The following UGGT1 variants were observed in gnomAD, a reference collection of about 807,000 sequenced individuals.
UGGT1 encodes UDP-glucose:glycoprotein glucosyltransferase 1.
Under a neutral mutation model 203.9 loss-of-function variants are expected in UGGT1, and 107 were observed. The ratio of observed to expected loss-of-function variants is 0.52; its 90% CI spans 0.45 to 0.62. The LOEUF (loss-of-function observed/expected upper bound fraction) is 0.62, where lower values mean the gene tolerates loss of function less well. Among genes scored for constraint, UGGT1 ranks in the 20% least tolerant of loss-of-function variants. The pLI, the probability that UGGT1 is intolerant of heterozygous loss-of-function variation, is 0.00. For missense variants in UGGT1, 1,673 were observed against 1,867.2 expected (o/e 0.90, Z 1.92); for synonymous variants, 628 against 653.5 (o/e 0.96, Z 0.59).
At chr2:128,091,897 C>T (rs1221710986) in intron 1 of UGGT1, among the ~76,000 whole-genome samples, 1 of 152,174 alleles carries the variant, frequency 6.6e-6, no homozygotes, top group Admixed American at 6.5e-5. Flanking sequence ...GATATGGTTT[C>T]ACTTTTAGCG....
At chr2:128,135,067 C>G in intron 15 of UGGT1, 106 bp downstream of exon 15, 1 of 931,388 alleles carries the variant, frequency 1.1e-6, no homozygotes, top group African/African-American at 1.6e-5. Context: ...ATTAATAGTG[C>G]ACATCACTAA....
chr2:128,102,526 A>G (rs567206467), intron 2 of UGGT1, among the ~76,000 whole-genome samples: 14 of 152,310 alleles, frequency 9.2e-5, no homozygotes, highest in African/African-American at 3.4e-4. Context: ...TATGCTGTAA[A>G]AAAAGGCAGC....
chr2:128,115,588 A>G (rs1379508837), intron 7 of UGGT1, among the ~76,000 whole-genome samples: 3 of 151,906 alleles, frequency 2.0e-5, no homozygotes, highest in African/African-American at 7.2e-5. Flanking sequence ...TTGATGTTAT[A>G]GGGGATTTAC....
At chr2:128,095,427 CTCCTCCTTCTCT>C (rs1234240662) in intron 1 of UGGT1, among the ~76,000 whole-genome samples, 1 of 21,510 alleles carries the variant, frequency 4.6e-5, no homozygotes, top group African/African-American at 7.1e-5. Context: ...TCCCCTTCCC[CTCCTCCTTCTCT>C]TCCTCCTTCT....
chr2:128,107,889 A>C, intron 3 of UGGT1, 49 bp from the exon 4 acceptor site: 1 of 1,610,270 alleles, frequency 6.2e-7, no homozygotes, highest in Admixed American at 1.7e-5. Flanking sequence ...TCTTCTTTAG[A>C]TATCTCTAGT....
At chr2:128,175,435 C>G (rs1470386593) in intron 31 of UGGT1, among the ~76,000 whole-genome samples, 1 of 152,036 alleles carries the variant, frequency 6.6e-6, no homozygotes, top group Non-Finnish European at 1.5e-5. Context: ...TTCTGCTTAA[C>G]ACAATTTAAA....
At chr2:128,178,429 G>T (rs769066630) in intron 33 of UGGT1, 39 bp from the exon 34 acceptor site, 1 of 1,533,742 alleles carries the variant, frequency 6.5e-7, no homozygotes, top group Non-Finnish European at 8.9e-7. Context: ...GTCTGTATGA[G>T]TGTTTCAAGT....
chr2:128,142,747 C>T (rs576969455), intron 16 of UGGT1, among the ~76,000 whole-genome samples: 77 of 152,056 alleles, frequency 5.1e-4, no homozygotes, highest in Admixed American at 1.5e-3. Context: ...CTTTGGGAGA[C>T]TGAGGCGGGT....
intron 4 of UGGT1, 59 bp downstream of exon 4, chr2:128,108,127 G>A: frequency 6.4e-7 from 1 of 1,565,782 alleles, no homozygotes. Context: ...TGAATGGATG[G>A]ACCCCAGTTG....
intron 13 of UGGT1, among the ~76,000 whole-genome samples, chr2:128,129,589 G>A (rs527555920): frequency 4.6e-5 from 7 of 151,744 alleles, no homozygotes; most frequent in African/African-American, 1.7e-4. Flanking sequence ...AGTATAGACG[G>A]GGTTTCACAA....
intron 1 of UGGT1, 97 bp from the exon 2 acceptor site, chr2:128,097,332 A>C: frequency 7.1e-7 from 1 of 1,399,640 alleles, no homozygotes; most frequent in African/African-American, 1.4e-5. Context: ...CCGAGATTGC[A>C]CCACTGCACT....
rs1034126829 is a variant in UGGT1, at chr2:128,159,632, C to T, written c.2474C>T (p.Ala825Val). The change falls in exon 23 of 41, where the codon GCT becomes GTT. Residue 825 changes from alanine (A) to valine (V), a missense_variant. Physicochemically the swap from Ala to Val is moderately conservative, Grantham distance 64 (BLOSUM62 0). Transcript: ENST00000259253. ...GCTCTCCAAACTCAGACTTCCAACG[C>T]TGCTAAGAACTTCATCACCAAAATG... is the stretch of plus-strand genomic sequence containing the variant. Reference protein sequence around the residue: ...WAALQTQTSNAAKNFITKMAK... With the variant: ...WAALQTQTSNVAKNFITKMAK... 4 of 1,614,190 alleles carry T rather than the reference C, an allele frequency of 2.5e-6. No individual in the cohort carries two copies. The highest frequency in any genetic ancestry group is 3.4e-6 in the Non-Finnish European group (4 of 1,180,024).
chr2:128,133,375 CT>C (rs1558779870), intron 14 of UGGT1, 115 bp downstream of exon 14: 12 of 1,365,690 alleles, frequency 8.8e-6, no homozygotes, highest in Non-Finnish European at 1.1e-5. Context: ...CTCCCCCACC[CT>C]TCACCAAATA....
chr2:128,113,125 C>T lies in UGGT1; in HGVS notation c.563C>T (p.Ser188Leu), dbSNP rs763494768. 19 of 1,609,298 alleles carry T rather than the reference C, an allele frequency of 1.2e-5. No individual in the cohort carries two copies. Among genetic ancestry groups the T allele is most frequent in the African/African-American group, 5.3e-5 (4 of 74,768 alleles). The change falls in exon 6 of 41, where the codon TCG becomes TTG. Residue 188 changes from serine (S) to leucine (L), a missense_variant. Physicochemically the swap from Ser to Leu is moderately radical, Grantham distance 145. Coordinates refer to ENST00000259253, the MANE Select transcript of UGGT1 (RefSeq NM_020120.4). ...LLFKGDHRYPSSNPESPVVIF... is the reference protein window; with the variant it reads ...LLFKGDHRYPLSNPESPVVIF... ...TTCAAAGGAGATCACAGATATCCCT[C>T]GTCTAATCCTGAAAGCCCTGTGGTG...
chr2:128,123,153 A>T, intron 10 of UGGT1, 33 bp from the exon 11 acceptor site: 10 of 1,549,740 alleles, frequency 6.5e-6, no homozygotes, highest in Non-Finnish European at 8.8e-6. Context: ...TCAAATATTA[A>T]GCCAAGCACT....
At chr2:128,163,149 C>G (rs1464086351) in intron 25 of UGGT1, among the ~76,000 whole-genome samples, 2 of 152,078 alleles carry the variant, frequency 1.3e-5, no homozygotes, top group African/African-American at 4.8e-5. Context: ...AACCAAGTGC[C>G]CCTTGACATG....
chr2:128,101,904 C>CGAAT (rs879323220), intron 2 of UGGT1, among the ~76,000 whole-genome samples: 1 of 152,094 alleles, frequency 6.6e-6, no homozygotes, highest in Admixed American at 6.6e-5. Context: ...ATCTTGTGGG[C>CGAAT]ATTCATTCTG....
Position 128,109,533 on chromosome 2 carries a change from T to C in UGGT1, c.409-101T>C, listed in dbSNP as rs949107834. ...TACCACACTCAGCCAGTTTCAACAA[T>C]GTTGTTTTGTCATAATTTAATCACC... is the stretch of plus-strand genomic sequence containing the variant. On this transcript the variant is annotated intron_variant, in intron 4 of 40. Transcript: ENST00000259253. The C allele has an allele frequency of 4.9e-5, 48 of 969,950 alleles. 1 individual carries two copies. The Admixed American group carries it at 6.6e-4, about 13-fold the overall frequency. 60.1% of individuals were successfully genotyped at this position (969,950 alleles called of 1,614,324 possible).
intron 9 of UGGT1, 135 bp from the exon 10 acceptor site, chr2:128,121,064 G>T: frequency 2.6e-6 from 2 of 774,978 alleles, no homozygotes; most frequent in Non-Finnish European, 2.1e-6. Flanking sequence ...TAAATCATGG[G>T]CACTCTCTGG....
Sources: allele counts gnomAD v4.1 joint callset (sites outside exome capture counted in the v4.1 genomes callset), GRCh38; gene constraint gnomAD v4.1.1; transcripts MANE v1.5; gene names NCBI Gene and HGNC (gene_info 2026-07-23, HGNC 2026-07-21).